The following DIP2C variants were observed in gnomAD, a reference collection of about 807,000 sequenced individuals.
The protein encoded by DIP2C is DIP2 acetate--CoA ligase C (putative).
A neutral mutation model predicts 192.4 loss-of-function variants in DIP2C; 33 were observed. That is an observed-to-expected ratio of 0.17 (90% CI 0.13 to 0.23). The LOEUF (loss-of-function observed/expected upper bound fraction) is 0.23. DIP2C is among the 10% of genes least tolerant of loss of function. DIP2C has a pLI of 1.00. For synonymous variants in DIP2C, 979 were observed against 864.1 expected (o/e 1.13, Z -2.33); for missense variants, 1,537 against 2,110.1 (o/e 0.73, Z 5.32).
At chr10:435,371 G>A (rs1417758365) in intron 4 of DIP2C, among the ~76,000 whole-genome samples, 6 of 152,144 alleles carry the variant, frequency 3.9e-5, no homozygotes, top group African/African-American at 1.2e-4. Flanking sequence ...AGTATGAGGG[G>A]ATTCTTCCCT....
chr10:452,329 A>C (rs1968917390), intron 3 of DIP2C, among the ~76,000 whole-genome samples: 1 of 152,230 alleles, frequency 6.6e-6, no homozygotes, highest in South Asian at 2.1e-4. Context: ...GATAGCGCTA[A>C]GGGGTCTTCT....
At chr10:524,710 T>C (rs900118638) in intron 1 of DIP2C, among the ~76,000 whole-genome samples, 13 of 152,230 alleles carry the variant, frequency 8.5e-5, no homozygotes, top group African/African-American at 3.1e-4. Flanking sequence ...TTATTTCAAA[T>C]CACTTTCACT....
intron 6 of DIP2C, among the ~76,000 whole-genome samples, chr10:418,426 G>A (rs1965952166): frequency 6.6e-6 from 1 of 151,926 alleles, no homozygotes; most frequent in Non-Finnish European, 1.5e-5. Flanking sequence ...TCACACAAGG[G>A]CATTGTATTT....
Position 350,942 on chromosome 10 carries a change from A to G in DIP2C, c.2986-1488T>C, listed in dbSNP as rs144317822. 6.8e-3 allele frequency among the ~76,000 whole-genome samples: 1,041 copies of G among 152,212 alleles called. 14 individuals are homozygous for G. Among genetic ancestry groups the G allele is most frequent in the African/African-American group, 0.023 (945 of 41,524 alleles). On this transcript the variant is annotated intron_variant, in intron 24 of 36. Transcript: ENST00000280886. ...ATTACAGGTGTGAGCCATCATGCCC[A>G]GCCCAGGAATTCTTATGTGAGTCAC...
At chr10:650,559 T>A in intron 1 of DIP2C, 1 of 643,300 alleles carries the variant, frequency 1.6e-6, no homozygotes, top group South Asian at 1.8e-5. Flanking sequence ...GAGAATGGGA[T>A]GCAGAGCCAG....
chr10:596,617 G>A lies in DIP2C; in HGVS notation c.85+92877C>T, dbSNP rs572034433. 2.5e-4 allele frequency among the ~76,000 whole-genome samples: 38 copies of A among 151,412 alleles called. 1 individual carries two copies. In the South Asian group the frequency reaches 5.5e-3, roughly 22 times the overall value. Reference sequence around the variant, plus strand: ...AGCCATGAGATACATCACAGGAGACGTAGGTGAATAGGACACAGTTCCTCC... The same window carrying A: ...AGCCATGAGATACATCACAGGAGACATAGGTGAATAGGACACAGTTCCTCC... On this transcript the variant is annotated intron_variant, in intron 1 of 36. Coordinates refer to ENST00000280886, the MANE Select transcript of DIP2C (RefSeq NM_014974.3).
At chr10:397,472 G>C (rs1388151030) in intron 10 of DIP2C, among the ~76,000 whole-genome samples, 1 of 151,756 alleles carries the variant, frequency 6.6e-6, no homozygotes, top group East Asian at 1.9e-4. Context: ...AGAGGTTGCA[G>C]TGAGCTGAAA....
intron 1 of DIP2C, among the ~76,000 whole-genome samples, chr10:566,613 G>A (rs924784788): frequency 6.6e-6 from 1 of 152,242 alleles, no homozygotes; most frequent in Non-Finnish European, 1.5e-5. Flanking sequence ...GGGCCCATGA[G>A]CCCCAGCACA....
intron 32 of DIP2C, 132 bp downstream of exon 32, chr10:309,899 A>G (rs544241998): frequency 3.5e-6 from 3 of 868,192 alleles, no homozygotes; most frequent in South Asian, 1.8e-5. Flanking sequence ...CCACCACTTC[A>G]CTCATGAGAC....
At chr10:504,320 C>A (rs182914313) in intron 1 of DIP2C, among the ~76,000 whole-genome samples, 1 of 152,266 alleles carries the variant, frequency 6.6e-6, no homozygotes, top group African/African-American at 2.4e-5. Context: ...CTCCCACCCC[C>A]GAGACGGCAA....
At chr10:474,171 CAGT>C (rs1299429657) in intron 2 of DIP2C, among the ~76,000 whole-genome samples, 3 of 152,162 alleles carry the variant, frequency 2.0e-5, no homozygotes, top group Non-Finnish European at 2.9e-5. Context: ...ACATGAAAAA[CAGT>C]AGCTACCTGG....
chr10:414,935 T>G (rs1589738851), intron 7 of DIP2C, among the ~76,000 whole-genome samples: 1 of 140,266 alleles, frequency 7.1e-6, no homozygotes, highest in South Asian at 2.3e-4. Context: ...AGAGACAGGG[T>G]TTTGCCATAT....
chr10:626,722 T>C (rs1854227386), intron 1 of DIP2C, among the ~76,000 whole-genome samples: 1 of 145,766 alleles, frequency 6.9e-6, no homozygotes, highest in Non-Finnish European at 1.5e-5. Context: ...CCAGGAAGGA[T>C]GGAACACCCC....
At chr10:392,888 G>A (rs113047406) in intron 10 of DIP2C, among the ~76,000 whole-genome samples, 2,835 of 11,338 alleles carry the variant, frequency 0.25, 86 homozygotes, top group South Asian at 0.45. Flanking sequence ...TCACACACAC[G>A]TGCCCACACA....
chr10:590,826 A>G (rs1398950360), intron 1 of DIP2C, among the ~76,000 whole-genome samples: 1 of 152,066 alleles, frequency 6.6e-6, no homozygotes, highest in Non-Finnish European at 1.5e-5. Flanking sequence ...TAAGGTCTCC[A>G]CCGCACCAGA....
chr10:477,618 A>G (rs1214345539), intron 2 of DIP2C, among the ~76,000 whole-genome samples: 1 of 82,558 alleles, frequency 1.2e-5, no homozygotes, highest in African/African-American at 3.6e-5. Context: ...GATGGGTGGG[A>G]GGAAGGTGGA....
intron 1 of DIP2C, among the ~76,000 whole-genome samples, chr10:637,732 CAAGAT>C (rs1175260437): frequency 1.3e-5 from 2 of 152,192 alleles, no homozygotes; most frequent in Non-Finnish European, 2.9e-5. Context: ...TACAAAGTCT[CAAGAT>C]AAAATCAAAA....
At chr10:284,034 A>T (rs1954971768) in intron 34 of DIP2C, among the ~76,000 whole-genome samples, 1 of 152,204 alleles carries the variant, frequency 6.6e-6, no homozygotes, top group East Asian at 1.9e-4. Context: ...GGTTACGGAG[A>T]ACCATGGACA....
At chr10:357,448 C>A (rs552721026) in intron 23 of DIP2C, among the ~76,000 whole-genome samples, 2 of 152,304 alleles carry the variant, frequency 1.3e-5, no homozygotes, top group South Asian at 2.1e-4. Context: ...GTGCGCGGGA[C>A]AAGGACTGCC....
Sources: allele counts gnomAD v4.1 joint callset (sites outside exome capture counted in the v4.1 genomes callset), GRCh38; gene constraint gnomAD v4.1.1; transcripts MANE v1.5; gene names NCBI Gene and HGNC (gene_info 2026-07-23, HGNC 2026-07-21).